Variants in IRAK2 observed in about 807,000 individuals in gnomAD.
IRAK2 encodes interleukin 1 receptor associated kinase 2.
Under a neutral mutation model 72.0 loss-of-function variants are expected in IRAK2, and 57 were observed. The ratio of observed to expected loss-of-function variants is 0.79; its 90% CI spans 0.64 to 0.99. IRAK2 has a LOEUF of 0.99. Ranked by LOEUF, IRAK2 falls within the 50% of genes least tolerant of loss-of-function variation. The pLI is 0.00. For synonymous variants in IRAK2, 293 were observed against 312.7 expected, an observed-to-expected ratio of 0.94 and a Z score of 0.67; for missense variants, 790 against 794.4, an observed-to-expected ratio of 0.99 and a Z score of 0.07.
intron 2 of IRAK2, among the ~76,000 whole-genome samples, chr3:10,197,968 G>A (rs1375643410): frequency 8.9e-5 from 13 of 145,442 alleles, no homozygotes; most frequent in East Asian, 8.4e-4. Flanking sequence ...GGGAGGCTGA[G>A]GAGGGCGGAT....
At chr3:10,165,110 G>A in intron 1 of IRAK2, 62 bp downstream of exon 1, 1 of 1,452,628 alleles carries the variant, frequency 6.9e-7, no homozygotes, top group Non-Finnish European at 9.5e-7. Context: ...GATCCCGCCT[G>A]GAGCGGCCGC....
chr3:10,185,255 G>T (rs1164270924), intron 2 of IRAK2, among the ~76,000 whole-genome samples: 4 of 151,144 alleles, frequency 2.6e-5, no homozygotes, highest in Non-Finnish European at 5.9e-5. Flanking sequence ...GATGCACCTT[G>T]AAGTTTAAGA....
At chr3:10,221,922 GA>G (rs1165288493) in intron 8 of IRAK2, among the ~76,000 whole-genome samples, 2 of 151,674 alleles carry the variant, frequency 1.3e-5, no homozygotes, top group African/African-American at 4.8e-5. Context: ...TAGATCAAAT[GA>G]TTTTTTTTGA....
intron 9 of IRAK2, among the ~76,000 whole-genome samples, chr3:10,223,781 C>G (rs950715240): frequency 1.3e-5 from 2 of 152,350 alleles, no homozygotes; most frequent in Admixed American, 6.5e-5. Context: ...TTGGCTTCAG[C>G]CAAGTGCATA....
Position 10,178,013 on chromosome 3 carries a change from C to T in IRAK2, c.270C>T (p.Ile90=). ...RLELYRAAQI[I]LNWKPAPEIR... is the part of the protein sequence containing the mutation. ...AGCTCTACCGGGCTGCCCAGATCAT[C>T]CTGAACTGTGAGTAACTCAGGGCCC... The change falls in exon 2 of 13, where the codon ATC becomes ATT. Residue 90 remains isoleucine (I), a synonymous_variant. Transcript: ENST00000256458. The T allele has an allele frequency of 2.5e-6, 4 of 1,605,508 alleles. No homozygotes were observed. Among genetic ancestry groups the T allele is most frequent in the Non-Finnish European group, 3.4e-6 (4 of 1,175,454 alleles).
chr3:10,202,853 G>A (rs1253980627), intron 3 of IRAK2, among the ~76,000 whole-genome samples: 2 of 151,704 alleles, frequency 1.3e-5, no homozygotes, highest in East Asian at 1.9e-4. Context: ...CACTACGGCC[G>A]GCTAATTTTT....
rs1051711521 is a variant in IRAK2, at chr3:10,213,495, A to C, written c.735A>C (p.Ser245=). 1.2e-6 allele frequency: 2 copies of C among 1,613,982 alleles called. No homozygotes were observed. The highest frequency in any genetic ancestry group is 2.7e-5 in the African/African-American group (2 of 74,924). ...VFKKLRETAC[S]SPGSIERFFQ... is the part of the protein sequence containing the mutation. Reference sequence around the variant, plus strand: ...GTCTTTCTCTACAGACAGCCTGTTCAAGTCCAGGATCAATCGAAAGATTCT... The same window carrying C: ...GTCTTTCTCTACAGACAGCCTGTTCCAGTCCAGGATCAATCGAAAGATTCT... Residue 245 remains serine, a synonymous_variant, in exon 6 of 13, where the codon TCA becomes TCC. Coordinates refer to ENST00000256458, the MANE Select transcript of IRAK2 (RefSeq NM_001570.4).
At chr3:10,228,673 T>C (rs1204648185) in intron 10 of IRAK2, among the ~76,000 whole-genome samples, 1 of 152,214 alleles carries the variant, frequency 6.6e-6, no homozygotes, top group Non-Finnish European at 1.5e-5. Context: ...TCATGTTCTG[T>C]TGTGGTAGGT....
intron 1 of IRAK2, among the ~76,000 whole-genome samples, chr3:10,169,572 G>T (rs1028218263): frequency 6.6e-6 from 1 of 152,106 alleles, no homozygotes; most frequent in East Asian, 1.9e-4. Context: ...GCTCTATTCT[G>T]CCCGACCCCA....
At chr3:10,169,258 G>A (rs7625401) in intron 1 of IRAK2, among the ~76,000 whole-genome samples, 205 of 152,192 alleles carry the variant, frequency 1.3e-3, no homozygotes, top group African/African-American at 4.7e-3. Flanking sequence ...GCATTGTCTT[G>A]ATAAACATCT....
At chr3:10,178,821 G>T in intron 2 of IRAK2, among the ~76,000 whole-genome samples, 1 of 151,406 alleles carries the variant, frequency 6.6e-6, no homozygotes, top group South Asian at 2.1e-4. Context: ...CTTTTTTTTT[G>T]AGACAGGGTC....
At chr3:10,211,757 C>G (rs1446517061) in intron 4 of IRAK2, among the ~76,000 whole-genome samples, 1 of 152,018 alleles carries the variant, frequency 6.6e-6, no homozygotes, top group African/African-American at 2.4e-5. Context: ...TTTTCAAAAA[C>G]TGTTAAGAGC....
chr3:10,218,952 C>T (rs1697645229), intron 7 of IRAK2, among the ~76,000 whole-genome samples: 1 of 152,202 alleles, frequency 6.6e-6, no homozygotes, highest in South Asian at 2.1e-4. Flanking sequence ...AATTCCAGCA[C>T]TTTGGGAGAG....
chr3:10,190,998 A>G (rs1351829558), intron 2 of IRAK2, among the ~76,000 whole-genome samples: 1 of 152,202 alleles, frequency 6.6e-6, no homozygotes, highest in African/African-American at 2.4e-5. Context: ...ATCTTCACTT[A>G]AAATCCACTG....
chr3:10,222,981 TG>T, intron 9 of IRAK2, 150 bp downstream of exon 9: 1 of 667,296 alleles, frequency 1.5e-6, no homozygotes, highest in South Asian at 1.8e-5. Flanking sequence ...CAGGCCACTT[TG>T]GCCTGTGGCG....
At chr3:10,202,002 G>A (rs2125152182) in intron 3 of IRAK2, among the ~76,000 whole-genome samples, 1 of 152,296 alleles carries the variant, frequency 6.6e-6, no homozygotes, top group Middle Eastern at 3.4e-3. Flanking sequence ...TCATCACGTT[G>A]TGGTAAGAAA....
intron 9 of IRAK2, among the ~76,000 whole-genome samples, chr3:10,225,015 T>C (rs1266195920): frequency 6.6e-6 from 1 of 151,880 alleles, no homozygotes; most frequent in East Asian, 2.0e-4. Flanking sequence ...TTTCCCCTTG[T>C]TCTGTCCCTT....
chr3:10,205,381 C>T (rs1296201630), intron 3 of IRAK2, among the ~76,000 whole-genome samples: 2 of 152,128 alleles, frequency 1.3e-5, no homozygotes, highest in Admixed American at 6.5e-5. Context: ...ATTTCTTTTC[C>T]CCAAGACCAC....
intron 7 of IRAK2, among the ~76,000 whole-genome samples, chr3:10,218,443 A>AC (rs1357225995): frequency 0.014 from 1,762 of 130,510 alleles, 91 homozygotes; most frequent in South Asian, 0.051. Context: ...AAAAAAAAAA[A>AC]AACCAAAACG....
Sources: gnomAD v4.1 joint callset for allele counts (sites outside exome capture counted in the v4.1 genomes callset) on GRCh38, gnomAD v4.1.1 for gene constraint, MANE v1.5 for transcripts, NCBI Gene and HGNC (gene_info 2026-07-23, HGNC 2026-07-21) for gene names.